ANKS1A: variants seen among roughly 807,000 people sequenced by gnomAD.
ANKS1A encodes ankyrin repeat and sterile alpha motif domain containing 1A, also known as ankyrin repeat and SAM domain-containing protein 1A.
In ANKS1A, 55 loss-of-function variants were observed where a neutral mutation model predicts 120.3. The ratio of observed to expected loss-of-function variants is 0.46; its 90% CI spans 0.37 to 0.57. The LOEUF is 0.57. Ranked by LOEUF, ANKS1A falls within the 20% of genes least tolerant of loss-of-function variation. The pLI is 0.00. For missense variants in ANKS1A, 1,123 were observed against 1,480.3 expected, an observed-to-expected ratio of 0.76 and a Z score of 3.96; for synonymous variants, 590 against 604.7, an observed-to-expected ratio of 0.98 and a Z score of 0.36.
intron 23 of ANKS1A, 52 bp downstream of exon 23, chr6:35,087,101 C>T: frequency 6.5e-7 from 1 of 1,543,498 alleles, no homozygotes; most frequent in South Asian, 1.1e-5. Context: ...CCACTAGTCT[C>T]ACTGTGCCTT....
At chr6:35,066,072 C>CT (rs1358197673) in intron 13 of ANKS1A, among the ~76,000 whole-genome samples, 1 of 152,184 alleles carries the variant, frequency 6.6e-6, no homozygotes, top group Non-Finnish European at 1.5e-5. Context: ...CCCTGTGTGA[C>CT]TTTCGGCAGG....
chr6:35,084,054 G>C lies in ANKS1A; in HGVS notation c.2995-67G>C. On this transcript the variant is annotated intron_variant, in intron 20 of 23. Coordinates refer to ENST00000360359, the MANE Select transcript of ANKS1A (RefSeq NM_015245.3). The surrounding 1 kb of genome is among the most constrained non-coding windows in gnomAD (Gnocchi z 4.8). ...CAGAGAACAGTGACAATGGTAACAG[G>C]CTGGGGCAGGGGGTGCCAGAGGCAT... 1 of 1,596,202 alleles carries C rather than the reference G, an allele frequency of 6.3e-7. No homozygotes were observed. Among genetic ancestry groups the C allele is most frequent in the Non-Finnish European group, 8.6e-7 (1 of 1,169,160 alleles).
At position 34,929,871 on chromosome 6, in the gene ANKS1A, TTCTC is replaced by T. The variant is rs558705061; in HGVS notation, c.198-37366_198-37363del. 2.1e-4 allele frequency among the ~76,000 whole-genome samples: 31 copies of T among 151,208 alleles called. No individual in the cohort carries two copies. In the East Asian group the frequency reaches 5.8e-3, roughly 28 times the overall value. Reference sequence around the variant, plus strand: ...TCTCTTTCTCTCTCTTTCTGTCTCTTTCTCTGTGTGTTTGTTTTGCTTTGTTGCT... The same window carrying T: ...TCTCTTTCTCTCTCTTTCTGTCTCTTTGTGTGTTTGTTTTGCTTTGTTGCT... On this transcript the variant is annotated intron_variant, in intron 1 of 23. Transcript: ENST00000360359.
At chr6:35,005,172 A>G (rs901246248) in intron 10 of ANKS1A, among the ~76,000 whole-genome samples, 3 of 152,190 alleles carry the variant, frequency 2.0e-5, no homozygotes, top group Non-Finnish European at 4.4e-5. Flanking sequence ...GTGTATGTGC[A>G]TGTCTAGATC....
chr6:34,912,512 C>T (rs1195378987), intron 1 of ANKS1A, among the ~76,000 whole-genome samples: 1 of 152,162 alleles, frequency 6.6e-6, no homozygotes, highest in Non-Finnish European at 1.5e-5. Context: ...CCCAGAGGTT[C>T]AACAGCACAC....
chr6:34,985,350 G>C (rs943455346), intron 8 of ANKS1A, 72 bp downstream of exon 8: 12 of 1,475,798 alleles, frequency 8.1e-6, no homozygotes, highest in Non-Finnish European at 1.1e-5. Context: ...TGGGGCACGG[G>C]GAAGGGAAGT....
intron 1 of ANKS1A, among the ~76,000 whole-genome samples, chr6:34,946,756 A>G (rs1158783326): frequency 2.6e-5 from 4 of 152,250 alleles, no homozygotes; most frequent in East Asian, 1.9e-4. Context: ...CTGTACCTGC[A>G]TATGCACAAA....
chr6:34,977,938 A>T (rs893429542), intron 3 of ANKS1A, among the ~76,000 whole-genome samples: 1 of 151,908 alleles, frequency 6.6e-6, no homozygotes, highest in African/African-American at 2.4e-5. Context: ...CCAAGAGGAG[A>T]AAGGTCGGGA....
intron 1 of ANKS1A, among the ~76,000 whole-genome samples, chr6:34,913,619 TTTGTTGTTGTTGTTG>T (rs549695039): frequency 6.6e-6 from 1 of 151,116 alleles, no homozygotes; most frequent in African/African-American, 2.4e-5. Flanking sequence ...AACAAAATAG[TTTGTTGTTGTTGTTG>T]TTGTTGTTGT....
intron 8 of ANKS1A, among the ~76,000 whole-genome samples, chr6:34,985,797 G>A (rs1425749877): frequency 1.3e-5 from 2 of 152,142 alleles, no homozygotes; most frequent in African/African-American, 4.8e-5. Flanking sequence ...TTAGTATGTG[G>A]CATTCCTATT....
At chr6:35,029,861 TACAC>T (rs568894395) in intron 11 of ANKS1A, among the ~76,000 whole-genome samples, 1 of 150,182 alleles carries the variant, frequency 6.7e-6, no homozygotes, top group Non-Finnish European at 1.5e-5. Context: ...TCTATATATA[TACAC>T]ACACACAAAC....
Position 34,889,684 on chromosome 6 carries a change from C to A in ANKS1A, c.197+85C>A. ...TGGGTCCCCAGAGAGATCGGGGGTC[C>A]TGAGACTCGGGCGGGGTGGGCTTGT... On this transcript the variant is annotated intron_variant, in intron 1 of 23. Coordinates refer to ENST00000360359, the MANE Select transcript of ANKS1A (RefSeq NM_015245.3). This position sits in a 1 kb window ranked among gnomAD's most constrained non-coding sequence, Gnocchi z 5.5. 2 of 1,195,512 alleles carry A rather than the reference C, an allele frequency of 1.7e-6. No homozygotes were observed. Among genetic ancestry groups the A allele is most frequent in the Non-Finnish European group, 2.1e-6 (2 of 965,556 alleles). The allele number at this position is 1,195,512 out of a possible 1,614,324, so 74.1% of individuals were successfully genotyped here. A position where few individuals can be genotyped will look rare whatever the true frequency, so the allele number is the denominator to read the frequency against.
chr6:35,096,088 C>T (rs991378357), downstream of ANKS1A, among the ~76,000 whole-genome samples: 2 of 152,196 alleles, frequency 1.3e-5, no homozygotes, highest in Admixed American at 6.5e-5. Flanking sequence ...GGCAGGCTCA[C>T]TTCAGAAGAA....
At position 34,983,472 on chromosome 6, in the gene ANKS1A, G is replaced by T. The variant is rs1436456464; in HGVS notation, c.1012+47G>T. ...AGTAAAGGGGTGCTCAGCTTGAAAA[G>T]AGTTGAAAATTCGTGGGCAGAATGG... On this transcript the variant is annotated intron_variant, in intron 7 of 23. Coordinates refer to ENST00000360359, the MANE Select transcript of ANKS1A (RefSeq NM_015245.3). The T allele has an allele frequency of 5.4e-6, 8 of 1,474,242 alleles. No individual in the cohort carries two copies. In the South Asian group the frequency reaches 8.7e-5, roughly 16 times the overall value. The allele number at this position is 1,474,242 out of a possible 1,614,324, so 91.3% of individuals were successfully genotyped here. A position where few individuals can be genotyped will look rare whatever the true frequency, so the allele number is the denominator to read the frequency against.
intron 11 of ANKS1A, among the ~76,000 whole-genome samples, chr6:35,024,315 G>C (rs1774503001): frequency 6.6e-6 from 1 of 152,226 alleles, no homozygotes. Flanking sequence ...TGGTCATATT[G>C]TGGTTTGAAT....
At position 35,056,089 on chromosome 6, in the gene ANKS1A, G is replaced by A. The variant is rs56213928; in HGVS notation, c.2077+1924G>A. On this transcript the variant is annotated intron_variant, in intron 12 of 23. Transcript: ENST00000360359. Reference sequence around the variant, plus strand: ...GGTTTCTGCTTTCTGTGTCCAAGGAGCAGGAGCCAAAATCACTTGCATATG... The same window carrying A: ...GGTTTCTGCTTTCTGTGTCCAAGGAACAGGAGCCAAAATCACTTGCATATG... Among the ~76,000 whole-genome samples, 225 of 152,318 alleles carry A rather than the reference G, an allele frequency of 1.5e-3. 1 individual carries two copies. The highest frequency in any genetic ancestry group is 3.4e-3 in the Middle Eastern group (1 of 294).
intron 13 of ANKS1A, among the ~76,000 whole-genome samples, chr6:35,065,682 C>T (rs1405329588): frequency 6.6e-6 from 1 of 152,256 alleles, no homozygotes; most frequent in Non-Finnish European, 1.5e-5. Context: ...GCTCATGTGC[C>T]CTCACAAGGT....
At chr6:34,903,676 T>G (rs1271012454) in intron 1 of ANKS1A, among the ~76,000 whole-genome samples, 1 of 151,874 alleles carries the variant, frequency 6.6e-6, no homozygotes, top group East Asian at 1.9e-4. Context: ...TTTTTGTTCG[T>G]TTGTTTTGTT....
chr6:35,002,619 C>G (rs1365103145), intron 10 of ANKS1A, among the ~76,000 whole-genome samples: 1 of 151,966 alleles, frequency 6.6e-6, no homozygotes, highest in Non-Finnish European at 1.5e-5. Context: ...AGCCCAGTCT[C>G]TAAATGTTAT....
Sources: allele counts gnomAD v4.1 joint callset (sites outside exome capture counted in the v4.1 genomes callset), GRCh38; gene constraint gnomAD v4.1.1; non-coding constraint Gnocchi (gnomAD v3.1); transcripts MANE v1.5; gene names NCBI Gene and HGNC (gene_info 2026-07-23, HGNC 2026-07-21).